Variants in HTR1F observed in about 807,000 individuals in gnomAD.
HTR1F encodes the protein 5-hydroxytryptamine receptor 1F.
A neutral mutation model predicts 24.0 loss-of-function variants in HTR1F; 17 were observed. The ratio of observed to expected loss-of-function variants is 0.71; its 90% CI spans 0.48 to 1.06. The LOEUF (loss-of-function observed/expected upper bound fraction) is 1.06. Among genes scored for constraint, HTR1F ranks in the 50% least tolerant of loss-of-function variants. The pLI, the probability that HTR1F is intolerant of heterozygous loss-of-function variation, is 0.00. For missense variants in HTR1F, 391 were observed against 427.8 expected, an observed-to-expected ratio of 0.91 and a Z score of 0.76; for synonymous variants, 186 against 156.8, an observed-to-expected ratio of 1.19 and a Z score of -1.39.
intron 2 of HTR1F, among the ~76,000 whole-genome samples, chr3:87,907,137 G>C (rs1703683919): frequency 6.6e-6 from 1 of 151,700 alleles, no homozygotes; most frequent in South Asian, 2.1e-4. Context: ...GGTTGTACTA[G>C]TTTACATTCC....
intron 2 of HTR1F, among the ~76,000 whole-genome samples, chr3:87,985,533 A>G (rs1296456582): frequency 6.6e-6 from 1 of 152,222 alleles, no homozygotes; most frequent in African/African-American, 2.4e-5. Flanking sequence ...GAAAAGAAAG[A>G]CAATAATTGT....
intron 2 of HTR1F, among the ~76,000 whole-genome samples, chr3:87,831,993 A>G (rs371831069): frequency 2.0e-5 from 3 of 152,202 alleles, no homozygotes; most frequent in East Asian, 3.8e-4. Context: ...GATAGGTACT[A>G]GTGTCATCCC....
chr3:87,796,957 T>C (rs542317323), intron 1 of HTR1F, among the ~76,000 whole-genome samples: 2 of 152,306 alleles, frequency 1.3e-5, no homozygotes, highest in African/African-American at 4.8e-5. Flanking sequence ...TACGTATACA[T>C]AGAAAACAAG....
chr3:87,968,772 GA>G (rs1705221267), intron 2 of HTR1F, among the ~76,000 whole-genome samples: 1 of 152,198 alleles, frequency 6.6e-6, no homozygotes, highest in African/African-American at 2.4e-5. Context: ...AAGACAATGG[GA>G]AAAATGTCTC....
chr3:87,903,282 A>C (rs1319782564), intron 2 of HTR1F, among the ~76,000 whole-genome samples: 2 of 148,958 alleles, frequency 1.3e-5, no homozygotes, highest in Non-Finnish European at 3.0e-5. Flanking sequence ...AATGGGATCT[A>C]ATTAAACTAA....
chr3:87,796,229 T>C (rs948037563), intron 1 of HTR1F, among the ~76,000 whole-genome samples: 15 of 127,640 alleles, frequency 1.2e-4, no homozygotes, highest in Admixed American at 1.5e-4. Context: ...TGATGATAGA[T>C]TAGATATGGT....
intron 2 of HTR1F, among the ~76,000 whole-genome samples, chr3:87,862,851 C>T (rs1705345813): frequency 6.6e-6 from 1 of 151,990 alleles, no homozygotes; most frequent in Admixed American, 6.6e-5. Context: ...GTCACTCACT[C>T]TGTCACCCAG....
chr3:87,912,472 T>C (rs1337617695), intron 2 of HTR1F, among the ~76,000 whole-genome samples: 2 of 151,846 alleles, frequency 1.3e-5, no homozygotes, highest in Admixed American at 6.6e-5. Context: ...AAAGAACCAA[T>C]GTCATTAAAC....
chr3:87,923,261 C>T (rs1459653591), intron 2 of HTR1F, among the ~76,000 whole-genome samples: 1 of 151,864 alleles, frequency 6.6e-6, no homozygotes, highest in East Asian at 1.9e-4. Context: ...TTTGTGGTTT[C>T]CATATGAATT....
intron 2 of HTR1F, among the ~76,000 whole-genome samples, chr3:87,855,952 T>G (rs1303981339): frequency 6.6e-6 from 1 of 151,992 alleles, no homozygotes; most frequent in East Asian, 1.9e-4. Flanking sequence ...AAGCACAACA[T>G]TAATGATGTT....
At chr3:87,890,729 G>A (rs1218511570) in intron 2 of HTR1F, among the ~76,000 whole-genome samples, 3 of 151,686 alleles carry the variant, frequency 2.0e-5, no homozygotes, top group Admixed American at 2.0e-4. Flanking sequence ...AAGTCTTGTT[G>A]TTTCAAATTA....
intron 2 of HTR1F, among the ~76,000 whole-genome samples, chr3:87,834,972 A>T (rs1274209445): frequency 6.6e-6 from 1 of 152,208 alleles, no homozygotes; most frequent in Admixed American, 6.5e-5. Flanking sequence ...CAGAAAGTCT[A>T]TGGATGCCTC....
intron 2 of HTR1F, among the ~76,000 whole-genome samples, chr3:87,916,694 G>A (rs1703902958): frequency 6.6e-6 from 1 of 152,020 alleles, no homozygotes. Context: ...AAACATATAT[G>A]CACCTAACAC....
intron 2 of HTR1F, among the ~76,000 whole-genome samples, chr3:87,829,629 T>G (rs754785682): frequency 1.3e-4 from 20 of 152,222 alleles, no homozygotes; most frequent in Non-Finnish European, 2.5e-4. Context: ...TTTGCACACT[T>G]GTGTTCCACT....
chr3:87,930,371 G>C (rs1704232247), intron 2 of HTR1F, among the ~76,000 whole-genome samples: 1 of 152,160 alleles, frequency 6.6e-6, no homozygotes, highest in Non-Finnish European at 1.5e-5. Flanking sequence ...TGGTTTTCAA[G>C]GGAAATGCTT....
chr3:87,823,754 C>T (rs1414132945), intron 2 of HTR1F, among the ~76,000 whole-genome samples: 1 of 151,834 alleles, frequency 6.6e-6, no homozygotes, highest in Admixed American at 6.6e-5. Flanking sequence ...GCTGGGATTA[C>T]AGGCTTTAAA....
intron 2 of HTR1F, among the ~76,000 whole-genome samples, chr3:87,925,032 T>C (rs1407492673): frequency 6.6e-6 from 1 of 152,020 alleles, no homozygotes; most frequent in Non-Finnish European, 1.5e-5. Context: ...AATATGGTGA[T>C]CCCTAAGTCC....
At chr3:87,904,902 C>T (rs558947888) in intron 2 of HTR1F, among the ~76,000 whole-genome samples, 100 of 152,126 alleles carry the variant, frequency 6.6e-4, no homozygotes, top group Non-Finnish European at 1.1e-3. Context: ...CTCATAGTGT[C>T]CTACAGCCTG....
At chr3:87,866,012 T>C (rs1259386994) in intron 2 of HTR1F, among the ~76,000 whole-genome samples, 5 of 152,244 alleles carry the variant, frequency 3.3e-5, no homozygotes, top group African/African-American at 1.2e-4. Context: ...AGTTGTTTTA[T>C]GATGCAATGC....
Sources: allele counts gnomAD v4.1 joint callset (sites outside exome capture counted in the v4.1 genomes callset), GRCh38; gene constraint gnomAD v4.1.1; transcripts MANE v1.5; gene names NCBI Gene and HGNC (gene_info 2026-07-23, HGNC 2026-07-21).